Variants in MRPL34 observed in about 807,000 individuals in gnomAD.
The protein encoded by MRPL34 is mitochondrial ribosomal protein L34.
Under a neutral mutation model 6.7 loss-of-function variants are expected in MRPL34, and 8 were observed. The ratio of observed to expected loss-of-function variants is 1.20; its 90% CI spans 0.70 to 2.16. The LOEUF is 2.16. Among genes scored for constraint, MRPL34 ranks in the 30% most tolerant of loss-of-function variants. The probability of loss-of-function intolerance (pLI) is 0.00; values close to 1 mark genes in which losing one functional copy is unlikely to be tolerated. For missense variants in MRPL34, 146 were observed against 125.5 expected, an observed-to-expected ratio of 1.16 and a Z score of -0.78; for synonymous variants, 59 against 55.1, an observed-to-expected ratio of 1.07 and a Z score of -0.31.
upstream of MRPL34, among the ~76,000 whole-genome samples, chr19:17,300,202 A>AT (rs573118178): frequency 1.3e-3 from 193 of 145,814 alleles, no homozygotes; most frequent in African/African-American, 4.7e-3. Flanking sequence ...CCGCGCCCGG[A>AT]TTTTTTTTTC....
chr19:17,301,023 AAAG>A (rs1435203150), upstream of MRPL34: 2 of 1,613,510 alleles, frequency 1.2e-6, no homozygotes, highest in East Asian at 2.2e-5. Context: ...CTAGGCGCAC[AAAG>A]AAGTCCAGCT....
intron 1 of MRPL34, chr19:17,296,783 C>A (rs1409403858): frequency 6.6e-6 from 1 of 152,006 alleles, no homozygotes; most frequent in Non-Finnish European, 1.5e-5. Context: ...CAACCTCCGC[C>A]TCCCGGGTTC....
chr19:17,300,441 A>G (rs1454870519), upstream of MRPL34, among the ~76,000 whole-genome samples: 2 of 151,706 alleles, frequency 1.3e-5, no homozygotes, highest in Non-Finnish European at 2.9e-5. Context: ...TCCTTGCCTC[A>G]AGATATCCTC....
intron 1 of MRPL34, among the ~76,000 whole-genome samples, chr19:17,295,768 C>T (rs530748794): frequency 6.1e-4 from 93 of 152,214 alleles, no homozygotes; most frequent in African/African-American, 2.1e-3. Flanking sequence ...GGTGCGGTGG[C>T]GTAATCATAG....
chr19:17,305,698 T>C, upstream of MRPL34: 2 of 653,672 alleles, frequency 3.1e-6, no homozygotes, highest in Admixed American at 2.3e-5. Context: ...ATGCAGAGCA[T>C]CCCTGTGCCC....
upstream of MRPL34, chr19:17,301,314 G>A (rs372720665): frequency 2.8e-4 from 444 of 1,607,202 alleles, no homozygotes; most frequent in Non-Finnish European, 3.6e-4. Flanking sequence ...GTAGGAGGTC[G>A]GCTCGAGGGG....
chr19:17,301,603 AC>A (rs773080943), upstream of MRPL34: 2 of 1,554,448 alleles, frequency 1.3e-6, no homozygotes, highest in Non-Finnish European at 8.7e-7. Flanking sequence ...ACCGTCGGTC[AC>A]CCCGGTCAGC....
chr19:17,305,790 A>T (rs1392782539), upstream of MRPL34: 15 of 1,237,782 alleles, frequency 1.2e-5, no homozygotes, highest in Non-Finnish European at 1.7e-5. Flanking sequence ...TCTTTTTTGC[A>T]CGTTAGGAGA....
upstream of MRPL34, among the ~76,000 whole-genome samples, chr19:17,299,242 C>G (rs993473823): frequency 2.7e-5 from 4 of 147,046 alleles, no homozygotes; most frequent in South Asian, 2.2e-4. Context: ...AGACCCCCCC[C>G]CCATTCTCTA....
chr19:17,304,135 G>A (rs1220648122), upstream of MRPL34, among the ~76,000 whole-genome samples: 1 of 152,198 alleles, frequency 6.6e-6, no homozygotes, highest in Non-Finnish European at 1.5e-5. Flanking sequence ...TTGGAGCTGT[G>A]GGTAATTAGA....
At chr19:17,300,635 G>C (rs144903901), upstream of MRPL34, among the ~76,000 whole-genome samples, 15 of 152,236 alleles carry the variant, frequency 9.9e-5, no homozygotes, top group Non-Finnish European at 1.8e-4. Flanking sequence ...GTGCCACCAC[G>C]TCTGGCTAAT....
At chr19:17,299,239 C>CG (rs1157758593), upstream of MRPL34, among the ~76,000 whole-genome samples, 1 of 144,252 alleles carries the variant, frequency 6.9e-6, no homozygotes, top group Non-Finnish European at 1.6e-5. Context: ...ATGAGACCCC[C>CG]CCCCCATTCT....
chr19:17,304,942 C>T (rs1159650633), upstream of MRPL34, among the ~76,000 whole-genome samples: 1 of 152,158 alleles, frequency 6.6e-6, no homozygotes, highest in Admixed American at 6.6e-5. Context: ...ACCATGTCCC[C>T]AGGCTGGTCT....
chr19:17,298,883 G>A (rs1306752005), upstream of MRPL34, among the ~76,000 whole-genome samples: 1 of 151,894 alleles, frequency 6.6e-6, no homozygotes, highest in Non-Finnish European at 1.5e-5. Flanking sequence ...TGGGATTACA[G>A]GCACACACCA....
At chr19:17,292,669 T>C in exon 1 of MRPL34, 1 of 1,610,214 alleles carries the variant, frequency 6.2e-7, no homozygotes, top group Non-Finnish European at 8.5e-7. Flanking sequence ...GGCTACTTCT[T>C]GTCTTCTGGA....
chr19:17,298,885 C>A (rs2074104564), upstream of MRPL34, among the ~76,000 whole-genome samples: 1 of 151,914 alleles, frequency 6.6e-6, no homozygotes, highest in Admixed American at 6.6e-5. Flanking sequence ...GGATTACAGG[C>A]ACACACCATC....
chr19:17,294,154 C>T, intron 1 of MRPL34: 2 of 1,117,856 alleles, frequency 1.8e-6, no homozygotes, highest in Non-Finnish European at 2.5e-6. Flanking sequence ...GAGGCCACGC[C>T]CACCCGGCAG....
At position 17,306,418 on chromosome 19, in the gene MRPL34, C is replaced by T; in HGVS notation, c.*39C>T. ...GTCGGCGGGACCCTCATGGAAGCAT[C>T]GCCCTCGCCTCGGACCTTGCCTGGC... On this transcript the variant is annotated 3_prime_UTR_variant, in exon 2 of 2. Transcript: ENST00000252602. 6.6e-7 allele frequency: 1 copy of T among 1,519,502 alleles called. No homozygotes were observed. The allele number at this position is 1,519,502 out of a possible 1,614,324, so 94.1% of individuals were successfully genotyped here. A position where few individuals can be genotyped will look rare whatever the true frequency, so the allele number is the denominator to read the frequency against.
chr19:17,296,528 T>G (rs756277336), intron 1 of MRPL34: 4 of 152,202 alleles, frequency 2.6e-5, no homozygotes, highest in Non-Finnish European at 4.4e-5. Context: ...GCATGACATA[T>G]CTGTCTTCCT....
Sources: allele counts gnomAD v4.1 joint callset (sites outside exome capture counted in the v4.1 genomes callset), GRCh38; gene constraint gnomAD v4.1.1; transcripts MANE v1.5; gene names NCBI Gene and HGNC (gene_info 2026-07-23, HGNC 2026-07-21).